The following CRAT variants were observed in gnomAD, a reference collection of about 807,000 sequenced individuals.
CRAT encodes the protein carnitine O-acetyltransferase.
CRAT carries 66 observed loss-of-function variants against 73.7 expected under a neutral mutation model. The observed-to-expected ratio is 0.90, with a 90% CI of 0.73 to 1.10. The LOEUF is 1.10. CRAT is among the 50% of genes least tolerant of loss of function. The pLI is 0.00. For synonymous variants in CRAT, 321 were observed against 343.2 expected, an observed-to-expected ratio of 0.94 and a Z score of 0.71; for missense variants, 745 against 846.9, an observed-to-expected ratio of 0.88 and a Z score of 1.49.
Position 129,110,411 on chromosome 9 carries a change from C to G in CRAT, c.27+72G>C. ...AACAGCGGCCGCAGGACGCGGTCTC[C>G]GTTCCCGGACGCAACCGCACGGCCC... is the stretch of plus-strand genomic sequence containing the variant. On this transcript the variant is annotated intron_variant, in intron 1 of 13. Coordinates refer to ENST00000318080, the MANE Select transcript of CRAT (RefSeq NM_000755.5). This position sits in a 1 kb window ranked among gnomAD's most constrained non-coding sequence, Gnocchi z 5.3. The G allele has an allele frequency of 1.4e-6, 2 of 1,437,882 alleles. No individual in the cohort carries two copies. Among genetic ancestry groups the G allele is most frequent in the Non-Finnish European group, 1.8e-6 (2 of 1,089,476 alleles). 89.1% of individuals were successfully genotyped at this position (1,437,882 alleles called of 1,614,324 possible).
intron 2 of CRAT, among the ~76,000 whole-genome samples, chr9:129,104,968 T>A (rs960237785): frequency 4.9e-5 from 7 of 142,460 alleles, no homozygotes; most frequent in African/African-American, 1.6e-4. Flanking sequence ...TGGCATGATC[T>A]CGGCTCACTG....
chr9:129,108,321 C>T, intron 1 of CRAT: 1 of 1,189,028 alleles, frequency 8.4e-7, no homozygotes. Context: ...CTCAGGGGAA[C>T]CAAGTCAGGA....
Position 129,104,187 on chromosome 9 carries a change from C to T in CRAT, c.410+1G>A. 6.2e-7 allele frequency: 1 copy of T among 1,604,394 alleles called. No homozygotes were observed. The highest frequency in any genetic ancestry group is 8.5e-7 in the Non-Finnish European group (1 of 1,175,702). ...CTGGCCCCCAAACCCCAGCCACTCA[C>T]CGGAGCTGACCCTGCAGGTCCACGA... On this transcript the variant is annotated splice_donor_variant, in intron 3 of 13. Transcript: ENST00000318080. LOFTEE classifies it high-confidence loss of function.
chr9:129,102,570 G>T lies in CRAT; in HGVS notation c.465-5C>A, dbSNP rs1588452991. ...TACTCCACGGGCAGGGTCTCGCTAT[G>T]GGGTAGAGGGGCAGTGAGGCCACCA... On this transcript the variant is annotated splice_polypyrimidine_tract_variant and splice_region_variant and intron_variant, in intron 4 of 13. Transcript: ENST00000318080. The T allele has an allele frequency of 6.2e-7, 1 of 1,613,768 alleles. No individual in the cohort carries two copies. The highest frequency in any genetic ancestry group is 8.5e-7 in the Non-Finnish European group (1 of 1,179,780).
chr9:129,109,435 T>G (rs1284958690), intron 1 of CRAT, among the ~76,000 whole-genome samples: 1 of 152,196 alleles, frequency 6.6e-6, no homozygotes, highest in East Asian at 1.9e-4. Context: ...GAGCTGTGGC[T>G]CATTCAGCTA....
Position 129,104,204 on chromosome 9 carries a change from G to A in CRAT, c.394C>T (p.Leu132=). 1 of 1,609,846 alleles carries A rather than the reference G, an allele frequency of 6.2e-7. No homozygotes were observed. ...VMLPKQDFVD[L]QGQLRFAAKL... ...GCCACTCACCGGAGCTGACCCTGCA[G>A]GTCCACGAAGTCCTGCTTGGGTAGC... Residue 132 remains leucine (L), a synonymous_variant, in exon 3 of 14, where the codon CTG becomes TTG. Coordinates refer to ENST00000318080, the MANE Select transcript of CRAT (RefSeq NM_000755.5).
At chr9:129,102,622 A>C in intron 4 of CRAT, 57 bp from the exon 5 acceptor site, 2 of 1,587,042 alleles carry the variant, frequency 1.3e-6, no homozygotes, top group Non-Finnish European at 1.7e-6. Context: ...GGAGGAGGGC[A>C]GGGTAGACAG....
chr9:129,100,610 G>T lies in CRAT; in HGVS notation c.885C>A (p.Val295=), dbSNP rs1404606658. The T allele has an allele frequency of 6.2e-7, 1 of 1,614,106 alleles. No homozygotes were observed. The highest frequency in any genetic ancestry group is 8.5e-7 in the Non-Finnish European group (1 of 1,180,008). Residue 295 remains valine, a synonymous_variant, in exon 7 of 14, where the codon GTC becomes GTA. Coordinates refer to ENST00000318080, the MANE Select transcript of CRAT (RefSeq NM_000755.5). ...TVCLDATMPR[V]SEDVYRSHVA... ...CGTGGCTGCGGTACACGTCTTCTGA[G>T]ACCCTGGGCATGGTTGCATCTAGGC...
rs755812329 is a variant in CRAT at position 129,095,373 on chromosome 9, T to C, written c.*24A>G. The C allele has an allele frequency of 5.6e-6, 9 of 1,604,560 alleles. No individual in the cohort carries two copies. In the East Asian group the frequency reaches 8.9e-5, roughly 16 times the overall value. On this transcript the variant is annotated 3_prime_UTR_variant, in exon 14 of 14. Coordinates refer to ENST00000318080, the MANE Select transcript of CRAT (RefSeq NM_000755.5). ...TCCCAGGGTGGGCTTGGCTGTGGCA[T>C]TGGCAGGCCTGAGTCCTAGGGGCTC...
chr9:129,108,910 A>C, intron 1 of CRAT: 1 of 1,281,952 alleles, frequency 7.8e-7, no homozygotes, highest in Non-Finnish European at 1.0e-6. Context: ...TGGGCTGGAA[A>C]GAGAAGACAA....
Position 129,108,011 on chromosome 9 carries a change from G to A in CRAT, c.94C>T (p.Gln32Ter). 6.3e-7 allele frequency: 1 copy of A among 1,582,286 alleles called. No individual in the cohort carries two copies. Among genetic ancestry groups the A allele is most frequent in the Non-Finnish European group, 8.6e-7 (1 of 1,166,306 alleles). ...ACGGGCAGCCGTGGCAGTGCATCCT[G>A]GTGTGCCTTGAAGCGGCTGGAAGCC... ...MKASSRFKAH[Q>*]DALPRLPVPP... The change falls in exon 2 of 14, where the codon CAG becomes TAG. Residue 32 changes from glutamine (Q) to a stop codon, truncating the protein, a stop_gained. Transcript: ENST00000318080. LOFTEE classifies it high-confidence loss of function.
chr9:129,109,301 G>A (rs750742871), intron 1 of CRAT: 6 of 1,302,216 alleles, frequency 4.6e-6, no homozygotes, highest in South Asian at 1.2e-5. Context: ...TGGTGCAAGG[G>A]AGCAGACACC....
chr9:129,097,827 G>T, intron 11 of CRAT, 186 bp downstream of exon 11: 1 of 770,220 alleles, frequency 1.3e-6, no homozygotes, highest in Non-Finnish European at 2.0e-6. Context: ...ACAAATGAAT[G>T]ACTCCCTTTT....
intron 8 of CRAT, among the ~76,000 whole-genome samples, 166 bp from the exon 9 acceptor site, chr9:129,098,816 CTTTTTTTTT>C (rs58400805): frequency 1.6e-5 from 2 of 127,564 alleles, no homozygotes; most frequent in African/African-American, 3.1e-5. Flanking sequence ...TTTCTTTTTT[CTTTTTTTTT>C]TTTTTTTAGA....
intron 13 of CRAT, 32 bp from the exon 14 acceptor site, chr9:129,095,644 C>T (rs756305322): frequency 6.3e-7 from 1 of 1,596,522 alleles, no homozygotes; most frequent in African/African-American, 1.3e-5. Context: ...CTCTCAGCTC[C>T]CCTACCTTGA....
rs1588462223 is a variant in CRAT at position 129,107,547 on chromosome 9, A to G, written c.291+267T>C. On this transcript the variant is annotated intron_variant, in intron 2 of 13. Transcript: ENST00000318080. The surrounding 1 kb of genome is among the most constrained non-coding windows in gnomAD (Gnocchi z 5.0). ...TCTGGTTGTACCTGCCGTGCACCCC[A>G]CTCCTGCCTCTGTCCTGGAACATGA... 3.0e-6 allele frequency: 2 copies of G among 658,752 alleles called. No individual in the cohort carries two copies. Among genetic ancestry groups the G allele is most frequent in the Middle Eastern group, 2.4e-4 (1 of 4,116 alleles). The allele number at this position is 658,752 out of a possible 1,614,324, so 40.8% of individuals were successfully genotyped here.
At chr9:129,104,614 T>C (rs1311392815) in intron 2 of CRAT, among the ~76,000 whole-genome samples, 1 of 152,042 alleles carries the variant, frequency 6.6e-6, no homozygotes, top group African/African-American at 2.4e-5. Flanking sequence ...AATTCTTTTT[T>C]TTTTTTTTGA....
rs572975521 is a variant in CRAT at position 129,101,303 on chromosome 9, G to A, written c.805+580C>T. The stretch of plus-strand genomic sequence containing the variant: ...GAATGTTGGGAAAAGGACTTGTGGG[G>A]TGCCTGTATAAACTGGCCATAAAAA... On this transcript the variant is annotated intron_variant, in intron 6 of 13. Coordinates refer to ENST00000318080, the MANE Select transcript of CRAT (RefSeq NM_000755.5). Among the ~76,000 whole-genome samples the A allele has an allele frequency of 3.5e-4, 54 of 152,212 alleles. 1 individual carries two copies. The highest frequency in any genetic ancestry group is 6.8e-4 in the Non-Finnish European group (46 of 68,042).
chr9:129,100,562 C>A lies in CRAT; in HGVS notation c.933G>T (p.Gly311=), dbSNP rs746583687. ...TGCCGCTGTTGAGCCTGCTGCCGCC[C>A]CCATGCAGCATCTGGCCTGCCACGT... ...RSHVAGQMLH[G]GGSRLNSGNR... is the part of the protein sequence containing the mutation. The change falls in exon 7 of 14, where the codon GGG becomes GGT. Residue 311 remains glycine, a synonymous_variant. Transcript: ENST00000318080. 5 of 1,613,944 alleles carry A rather than the reference C, an allele frequency of 3.1e-6. No homozygotes were observed. Among genetic ancestry groups the A allele is most frequent in the Non-Finnish European group, 4.2e-6 (5 of 1,179,994 alleles).
Sources: gnomAD v4.1 joint callset for allele counts (sites outside exome capture counted in the v4.1 genomes callset) on GRCh38, gnomAD v4.1.1 for gene constraint, Gnocchi (gnomAD v3.1) non-coding constraint, MANE v1.5 for transcripts, NCBI Gene and HGNC (gene_info 2026-07-23, HGNC 2026-07-21) for gene names.